Variants in SPG7 observed in about 807,000 individuals in gnomAD.
SPG7 encodes the protein SPG7 matrix AAA peptidase subunit, paraplegin.
SPG7 carries 103 observed loss-of-function variants against 81.9 expected under a neutral mutation model. That is an observed-to-expected ratio of 1.26 (90% confidence interval 1.07 to 1.48). The LOEUF is 1.48. Among genes scored for constraint, SPG7 ranks in the 40% most tolerant of loss-of-function variants. The pLI is 0.00. For synonymous variants in SPG7, 534 were observed against 444.2 expected (o/e 1.20, Z -2.54); for missense variants, 1,241 against 1,087.3 (o/e 1.14, Z -1.99).
intron 9 of SPG7, chr16:89,537,287 C>A: frequency 7.7e-7 from 1 of 1,301,870 alleles, no homozygotes; most frequent in Non-Finnish European, 9.8e-7. Context: ...ACCCCAGAGC[C>A]CCCGGGAAGG....
intron 4 of SPG7, among the ~76,000 whole-genome samples, chr16:89,524,490 C>T (rs532159799): frequency 8.7e-4 from 133 of 152,332 alleles, no homozygotes; most frequent in Non-Finnish European, 1.5e-3. Flanking sequence ...GTTGGCCAGG[C>T]TGAAGCGCAG....
chr16:89,548,382 G>GC (rs2058592741), intron 12 of SPG7: 2 of 454,562 alleles, frequency 4.4e-6, no homozygotes, highest in Non-Finnish European at 7.9e-6. Context: ...AATAAAAAAT[G>GC]CCCCCCAAAA....
Position 89,554,492 on chromosome 16 carries a change from A to G in SPG7, c.2110A>G (p.Arg704Gly), listed in dbSNP as rs914466138. The G allele has an allele frequency of 1.2e-6, 2 of 1,608,262 alleles. No homozygotes were observed. The highest frequency in any genetic ancestry group is 1.7e-5 in the Admixed American group (1 of 59,966). ...GLQQMMDHEA[R>G]LLVAKAYRHT... ...CAGTTCCCTCCACTCACAGGAAGCA[A>G]GACTGCTGGTGGCCAAGGCCTACAG... Residue 704 changes from arginine to glycine, a missense_variant, in exon 16 of 17, where the codon AGA becomes GGA. By Grantham distance (125) the Arg-to-Gly change is moderately radical. Coordinates refer to ENST00000645818, the MANE Select transcript of SPG7 (RefSeq NM_003119.4).
At position 89,544,758 on chromosome 16, in the gene SPG7, C is replaced by G; in HGVS notation, c.1435C>G (p.Leu479Val). The G allele has an allele frequency of 6.2e-7, 1 of 1,614,082 alleles. No individual in the cohort carries two copies. ...ACTGGACCGGCACGTCTTCATTGAT[C>G]TCCCCACGCTGCAGGTCAGAGCCAG... The part of the protein sequence containing the change: ...GRLDRHVFID[L>V]PTLQERREIF... The change falls in exon 10 of 17, where the codon CTC becomes GTC. Residue 479 changes from leucine to valine, a missense_variant. Transcript: ENST00000645818.
In SPG7 at chr16:89,510,557, T is replaced by C; in HGVS notation, c.251T>C (p.Leu84Ser). The part of the protein sequence containing the change: ...GINGLLLKQH[L>S]VQNPVRLWQL... The stretch of plus-strand genomic sequence containing the variant: ...AACGGATTGTTGTTGAAACAACATT[T>C]AGTTCAGAATCCAGTCAGACTCTGG... Residue 84 changes from leucine (L) to serine (S), a missense_variant, in exon 2 of 17, where the codon TTA becomes TCA. Leu to Ser is a moderately radical substitution (Grantham distance 145). Coordinates refer to ENST00000645818, the MANE Select transcript of SPG7 (RefSeq NM_003119.4). The C allele has an allele frequency of 6.2e-7, 1 of 1,613,230 alleles. No homozygotes were observed. Among genetic ancestry groups the C allele is most frequent in the Admixed American group, 1.7e-5 (1 of 59,996 alleles).
intron 1 of SPG7, 121 bp from the exon 2 acceptor site, chr16:89,510,369 G>T (rs1175453904): frequency 4.4e-6 from 3 of 680,518 alleles, no homozygotes; most frequent in African/African-American, 1.8e-5. Flanking sequence ...ATATTTCAGG[G>T]CAATGTAGAT....
intron 2 of SPG7, among the ~76,000 whole-genome samples, chr16:89,511,778 G>A (rs1050919081): frequency 6.6e-6 from 1 of 152,112 alleles, no homozygotes; most frequent in African/African-American, 2.4e-5. Flanking sequence ...CTGTTGCCCA[G>A]GTGCAATCTC....
chr16:89,508,501 C>G lies in SPG7; in HGVS notation c.84C>G (p.Ala28=). 6.6e-7 allele frequency: 1 copy of G among 1,513,506 alleles called. No homozygotes were observed. The highest frequency in any genetic ancestry group is 8.8e-7 in the Non-Finnish European group (1 of 1,137,256). The allele number at this position is 1,513,506 out of a possible 1,614,324, so 93.8% of individuals were successfully genotyped here. Residue 28 remains alanine, a synonymous_variant, in exon 1 of 17, where the codon GCC becomes GCG. Coordinates refer to ENST00000645818, the MANE Select transcript of SPG7 (RefSeq NM_003119.4). ...GPRPLWGPGP[A]WSPGFPARPG... Reference sequence around the variant, plus strand: ...GGCCGCTGTGGGGCCCAGGCCCGGCCTGGAGTCCAGGGTTCCCCGCCAGGC... The same window carrying G: ...GGCCGCTGTGGGGCCCAGGCCCGGCGTGGAGTCCAGGGTTCCCCGCCAGGC...
chr16:89,542,719 C>G (rs746415403), intron 9 of SPG7, among the ~76,000 whole-genome samples: 3 of 152,080 alleles, frequency 2.0e-5, no homozygotes, highest in South Asian at 2.1e-4. Flanking sequence ...CTCCTCAGAG[C>G]GTTCAAGGTC....
At chr16:89,518,631 G>A (rs1327807886) in intron 3 of SPG7, 3 of 152,078 alleles carry the variant, frequency 2.0e-5, no homozygotes, top group Non-Finnish European at 2.9e-5. Flanking sequence ...CACTGATAAC[G>A]CGGGTGAACC....
rs1468579558 is a variant in SPG7 at position 89,555,489 on chromosome 16, G to GCC, written c.2181+930_2181+931dup. The GCC allele has an allele frequency of 3.0e-5, 5 of 166,598 alleles. No homozygotes were observed. The East Asian group carries it at 8.5e-4, about 28-fold the overall frequency. The allele number at this position is 166,598 out of a possible 1,614,324, so 10.3% of individuals were successfully genotyped here. On this transcript the variant is annotated intron_variant, in intron 16 of 16. Coordinates refer to ENST00000645818, the MANE Select transcript of SPG7 (RefSeq NM_003119.4). ...ATGGGGCAGTCCTCCCACCTGAGGA[G>GCC]CCCCCGCCGACCCGCGGTGTTGGGT... is the stretch of plus-strand genomic sequence containing the variant.
At chr16:89,523,794 AC>A (rs1231516961) in intron 3 of SPG7, 5 of 708,664 alleles carry the variant, frequency 7.1e-6, no homozygotes, top group Middle Eastern at 2.3e-4. Context: ...CACTGAAGTG[AC>A]CTCAGCGAAT....
At chr16:89,540,791 C>T in intron 9 of SPG7, 1 of 642,178 alleles carries the variant, frequency 1.6e-6, no homozygotes, top group Non-Finnish European at 1.9e-6. Context: ...CCCGCATCCA[C>T]CCTCCTGGGT....
At chr16:89,556,229 C>T (rs2058686626) in intron 16 of SPG7, 1 of 399,532 alleles carries the variant, frequency 2.5e-6, no homozygotes, top group African/African-American at 2.1e-5. Flanking sequence ...AATACAGCCA[C>T]AGGTAAATCA....
intron 7 of SPG7, chr16:89,531,282 G>A (rs1277802544): frequency 1.2e-5 from 3 of 260,586 alleles, no homozygotes; most frequent in African/African-American, 2.2e-5. Context: ...CTGGCACCTC[G>A]GGGCGCTGAG....
chr16:89,536,850 C>T (rs764870093), intron 9 of SPG7: 10 of 1,614,010 alleles, frequency 6.2e-6, no homozygotes, highest in Non-Finnish European at 7.6e-6. Context: ...TCACGGAGCC[C>T]ACAGGGTCAC....
intron 5 of SPG7, 125 bp downstream of exon 5, chr16:89,526,593 G>A: frequency 1.0e-6 from 1 of 997,234 alleles, no homozygotes; most frequent in Non-Finnish European, 1.6e-6. Context: ...TTTAGTGGGA[G>A]GGTTAAATAA....
intron 9 of SPG7, chr16:89,536,642 G>T: frequency 8.5e-7 from 1 of 1,181,696 alleles, no homozygotes; most frequent in Non-Finnish European, 1.2e-6. Flanking sequence ...TGAGGCGGGC[G>T]AGGTGGGCGA....
chr16:89,550,791 G>T (rs1010707532), intron 13 of SPG7, among the ~76,000 whole-genome samples, 182 bp downstream of exon 13: 1 of 152,176 alleles, frequency 6.6e-6, no homozygotes, highest in Non-Finnish European at 1.5e-5. Flanking sequence ...GAGCAGGGTG[G>T]GTGGCGACTG....
Sources: allele counts gnomAD v4.1 joint callset (sites outside exome capture counted in the v4.1 genomes callset), GRCh38; gene constraint gnomAD v4.1.1; transcripts MANE v1.5; gene names NCBI Gene and HGNC (gene_info 2026-07-23, HGNC 2026-07-21).